Variants in UNKL observed in about 807,000 individuals in gnomAD.
UNKL encodes the protein putative E3 ubiquitin-protein ligase UNKL.
Under a neutral mutation model 78.0 loss-of-function variants are expected in UNKL, and 60 were observed. The observed-to-expected ratio is 0.77, with a 90% CI of 0.63 to 0.95. The LOEUF (loss-of-function observed/expected upper bound fraction) is 0.95. UNKL is among the 40% of genes least tolerant of loss of function. UNKL has a pLI of 0.00. For missense variants in UNKL, 1,159 were observed against 1,045.7 expected, an observed-to-expected ratio of 1.11 and a Z score of -1.49; for synonymous variants, 608 against 474.8, an observed-to-expected ratio of 1.28 and a Z score of -3.65.
chr16:1,382,473 A>G lies in UNKL; in HGVS notation c.1264+2735T>C, dbSNP rs112392177. ...CTGTGCCCCTGCCCCCGCCCCGACCAAGCCCCACCACTGGGCGCTGGGTCC... is the reference window on the plus strand; with the variant it reads ...CTGTGCCCCTGCCCCCGCCCCGACCGAGCCCCACCACTGGGCGCTGGGTCC... On this transcript the variant is annotated intron_variant, in intron 10 of 14. Coordinates refer to ENST00000389221, the MANE Select transcript of UNKL (RefSeq NM_001372107.1). 1.7e-3 allele frequency among the ~76,000 whole-genome samples: 255 copies of G among 151,810 alleles called. 3 individuals carry two copies. The highest frequency in any genetic ancestry group is 5.3e-3 in the African/African-American group (220 of 41,152).
chr16:1,400,911 A>T (rs1041635776), intron 4 of UNKL, among the ~76,000 whole-genome samples: 2 of 151,852 alleles, frequency 1.3e-5, no homozygotes, highest in African/African-American at 4.8e-5. Context: ...CTGGCCTCAA[A>T]CTCCTGACCT....
chr16:1,413,390 G>A (rs2038134482), intron 2 of UNKL, among the ~76,000 whole-genome samples: 1 of 151,766 alleles, frequency 6.6e-6, no homozygotes, highest in South Asian at 2.1e-4. Context: ...CCAACATGGA[G>A]AAACCCTGTC....
At chr16:1,380,785 G>A (rs535996319) in intron 10 of UNKL, among the ~76,000 whole-genome samples, 7 of 144,938 alleles carry the variant, frequency 4.8e-5, no homozygotes, top group Admixed American at 2.2e-4. Context: ...AGCAATTCTC[G>A]TGCCTCAACC....
chr16:1,366,988 G>A (rs2035323498), intron 14 of UNKL, 104 bp downstream of exon 14: 2 of 1,434,064 alleles, frequency 1.4e-6, no homozygotes, highest in Admixed American at 2.8e-5. Context: ...CAGACCCTGG[G>A]GCAGGGGAGG....
rs746401463 is a variant in UNKL, at chr16:1,403,327, C to T, written c.305G>A (p.Arg102Gln). Reference sequence around the variant, plus strand: ...CTTGCGTTCTGTGTCCCCCGTCGTCCGGTGCAGGTAGGGACACCTGGGGAG... The same window carrying T: ...CTTGCGTTCTGTGTCCCCCGTCGTCTGGTGCAGGTAGGGACACCTGGGGAG... ...PDGDECPYLH[R>Q]TTGDTERKYH... Residue 102 changes from arginine to glutamine, a missense_variant, in exon 3 of 15, where the codon CGG (arginine) becomes CAG (glutamine). Coordinates refer to ENST00000389221, the MANE Select transcript of UNKL (RefSeq NM_001372107.1). This position sits in a 1 kb window ranked among gnomAD's most constrained non-coding sequence, Gnocchi z 4.8. 4.3e-6 allele frequency: 7 copies of T among 1,614,000 alleles called. No homozygotes were observed. The highest frequency in any genetic ancestry group is 1.1e-5 in the South Asian group (1 of 91,078).
chr16:1,412,812 C>T (rs560781798), intron 2 of UNKL, among the ~76,000 whole-genome samples: 2 of 152,162 alleles, frequency 1.3e-5, no homozygotes, highest in African/African-American at 4.8e-5. Context: ...AATCCCAGTA[C>T]TTTGGGAGGC....
At chr16:1,414,135 G>T in intron 1 of UNKL, 80 bp from the exon 2 acceptor site, 2 of 1,356,744 alleles carry the variant, frequency 1.5e-6, no homozygotes, top group Non-Finnish European at 2.0e-6. Context: ...GGACCCACCG[G>T]CCTCAGGAGC....
chr16:1,390,668 C>T lies in UNKL; in HGVS notation c.1050G>A (p.Glu350=). ...GNAKRRDSPA[E]GGPRGSEQDS... ...CTTGCTCGCTGCCCCTAGGGCCACC[C>T]TCGGCCGGCGAGTCTCTCCGCTTGG... Residue 350 remains glutamate (E), a synonymous_variant, in exon 9 of 15, where the codon GAG becomes GAA. Coordinates refer to ENST00000389221, the MANE Select transcript of UNKL (RefSeq NM_001372107.1). 2.0e-6 allele frequency: 3 copies of T among 1,536,082 alleles called. No individual in the cohort carries two copies. Among genetic ancestry groups the T allele is most frequent in the Non-Finnish European group, 2.6e-6 (3 of 1,146,890 alleles).
chr16:1,369,070 T>G (rs1406484699), intron 12 of UNKL, among the ~76,000 whole-genome samples: 44 of 130,214 alleles, frequency 3.4e-4, no homozygotes, highest in Admixed American at 1.5e-3. Context: ...TTTTTTTTTT[T>G]TTTTTTTTTT....
At chr16:1,394,063 A>T in intron 7 of UNKL, 68 bp downstream of exon 7, 2 of 1,482,412 alleles carry the variant, frequency 1.3e-6, no homozygotes, top group South Asian at 1.2e-5. Flanking sequence ...GTCATCGGTA[A>T]CTCCAGTGAG....
At chr16:1,406,399 G>C (rs1297531332) in intron 2 of UNKL, among the ~76,000 whole-genome samples, 2 of 152,060 alleles carry the variant, frequency 1.3e-5, no homozygotes, top group Admixed American at 6.6e-5. Flanking sequence ...ATTTAGTAGA[G>C]ACAGGGTTTC....
rs2036511869 is a variant in UNKL, at chr16:1,379,666, C to A, written c.1264+5542G>T. 7.1e-6 allele frequency: 7 copies of A among 984,642 alleles called. No homozygotes were observed. The South Asian group carries it at 2.8e-4, about 39-fold the overall frequency. The allele number at this position is 984,642 out of a possible 1,614,324, so 61.0% of individuals were successfully genotyped here. A position where few individuals can be genotyped will look rare whatever the true frequency, so the allele number is the denominator to read the frequency against. On this transcript the variant is annotated intron_variant, in intron 10 of 14. Coordinates refer to ENST00000389221, the MANE Select transcript of UNKL (RefSeq NM_001372107.1). ...CTCACGGTCCGCGGCCGCCCCGCGCCGCCGCCGGGGATTCAAACCCGGCCC... is the reference window on the plus strand; with the variant it reads ...CTCACGGTCCGCGGCCGCCCCGCGCAGCCGCCGGGGATTCAAACCCGGCCC...
chr16:1,378,565 C>A (rs781025048), intron 10 of UNKL, among the ~76,000 whole-genome samples: 3 of 152,206 alleles, frequency 2.0e-5, no homozygotes, highest in Non-Finnish European at 4.4e-5. Context: ...CTGCAGAGTG[C>A]GCAGCATGTG....
chr16:1,384,596 C>A (rs370308138), intron 10 of UNKL, among the ~76,000 whole-genome samples: 19 of 151,612 alleles, frequency 1.3e-4, no homozygotes, highest in African/African-American at 4.1e-4. Flanking sequence ...TGGCCCACAA[C>A]CCCTACTTTC....
chr16:1,413,790 C>T, intron 2 of UNKL, 56 bp downstream of exon 2: 1 of 1,464,368 alleles, frequency 6.8e-7, no homozygotes, highest in Admixed American at 2.5e-5. Context: ...GCCGCATCCC[C>T]GGGTGGAGGC....
intron 2 of UNKL, among the ~76,000 whole-genome samples, chr16:1,412,793 C>T (rs750266686): frequency 6.6e-6 from 1 of 152,200 alleles, no homozygotes; most frequent in Admixed American, 6.5e-5. Context: ...CGCAGTGGAT[C>T]ATGCCTGGAA....
intron 10 of UNKL, among the ~76,000 whole-genome samples, chr16:1,384,992 C>T (rs749566767): frequency 6.6e-6 from 1 of 152,182 alleles, no homozygotes; most frequent in Non-Finnish European, 1.5e-5. Flanking sequence ...CCAGCGCCTG[C>T]GGCACCCAGG....
chr16:1,411,345 C>G lies in UNKL; in HGVS notation c.287+2501G>C, dbSNP rs183115472. Among the ~76,000 whole-genome samples the G allele has an allele frequency of 3.3e-5, 5 of 149,792 alleles. No homozygotes were observed. In the South Asian group the frequency reaches 1.1e-3, roughly 32 times the overall value. On this transcript the variant is annotated intron_variant, in intron 2 of 14. Transcript: ENST00000389221. ...CAGCCTGGGCAACCAGAGTGAGACT[C>G]GGTCTCAAAAACAAAATAATAAATA...
intron 13 of UNKL, 47 bp from the exon 14 acceptor site, chr16:1,367,396 C>T (rs1307998436): frequency 1.1e-5 from 16 of 1,502,182 alleles, no homozygotes; most frequent in African/African-American, 1.4e-5. Flanking sequence ...ACCTGTGCCA[C>T]CTGCAGACCC....
Sources: allele counts gnomAD v4.1 joint callset (sites outside exome capture counted in the v4.1 genomes callset), GRCh38; gene constraint gnomAD v4.1.1; non-coding constraint Gnocchi (gnomAD v3.1); transcripts MANE v1.5; gene names NCBI Gene and HGNC (gene_info 2026-07-23, HGNC 2026-07-21).